The following HNF4G variants were observed in gnomAD, a reference collection of about 807,000 sequenced individuals.
HNF4G encodes the protein hepatocyte nuclear factor 4-gamma.
A neutral mutation model predicts 50.9 loss-of-function variants in HNF4G; 21 were observed. The observed-to-expected ratio is 0.41, with a 90% CI of 0.29 to 0.59. HNF4G has a LOEUF of 0.59. Among genes scored for constraint, HNF4G ranks in the 20% least tolerant of loss-of-function variants. HNF4G has a pLI of 0.26. For missense variants in HNF4G, 527 were observed against 559.4 expected (o/e 0.94, Z 0.58); for synonymous variants, 198 against 185.6 (o/e 1.07, Z -0.54).
chr8:75,566,441 A>G lies in HNF4G; in HGVS notation c.*2345A>G, dbSNP rs972154683. 3 of 152,530 alleles carry G rather than the reference A, an allele frequency of 2.0e-5. No homozygotes were observed. The highest frequency in any genetic ancestry group is 7.2e-5 in the African/African-American group (3 of 41,430). 9.4% of individuals were successfully genotyped at this position (152,530 alleles called of 1,614,324 possible). ...TGAACCCTGTAATTTATTCGTGTATATTTACTAAACAGCTGTATCTTTGAA... is the reference window on the plus strand; with the variant it reads ...TGAACCCTGTAATTTATTCGTGTATGTTTACTAAACAGCTGTATCTTTGAA... On this transcript the variant is annotated 3_prime_UTR_variant, in exon 10 of 10. Coordinates refer to ENST00000396423, the MANE Select transcript of HNF4G (RefSeq NM_004133.5).
rs1246553941 is a variant in HNF4G at position 75,566,407 on chromosome 8, C to A, written c.*2311C>A. The A allele has an allele frequency of 6.6e-6, 1 of 152,478 alleles. No individual in the cohort carries two copies. Among genetic ancestry groups the A allele is most frequent in the African/African-American group, 2.4e-5 (1 of 41,420 alleles). The allele number at this position is 152,478 out of a possible 1,614,324, so 9.4% of individuals were successfully genotyped here. ...CCTTTGAAGTATAAAAGATAAAATT[C>A]ATTTTTAGTGAACCCTGTAATTTAT... On this transcript the variant is annotated 3_prime_UTR_variant, in exon 10 of 10. Coordinates refer to ENST00000396423, the MANE Select transcript of HNF4G (RefSeq NM_004133.5).
At chr8:75,443,692 A>G (rs1406182105) in intron 1 of HNF4G, among the ~76,000 whole-genome samples, 3 of 152,180 alleles carry the variant, frequency 2.0e-5, no homozygotes. Flanking sequence ...AAGTAAGAAC[A>G]TGTGATATAT....
At chr8:75,432,810 T>C (rs961349336) in intron 1 of HNF4G, among the ~76,000 whole-genome samples, 2 of 152,152 alleles carry the variant, frequency 1.3e-5, no homozygotes, top group African/African-American at 4.8e-5. Context: ...GAGGTTAAAC[T>C]ATAAAACACA....
At chr8:75,501,230 A>G (rs950827617) in intron 2 of HNF4G, among the ~76,000 whole-genome samples, 2 of 152,130 alleles carry the variant, frequency 1.3e-5, no homozygotes, top group Non-Finnish European at 2.9e-5. Context: ...ACTTGAGTCC[A>G]GGGGTTTGAG....
intron 2 of HNF4G, among the ~76,000 whole-genome samples, chr8:75,523,866 GTCTTA>G (rs1394059436): frequency 2.6e-5 from 4 of 151,810 alleles, no homozygotes; most frequent in Admixed American, 1.3e-4. Flanking sequence ...ATTGGTAATT[GTCTTA>G]TCTTTATCAA....
At chr8:75,545,767 C>T (rs1352389128) in intron 2 of HNF4G, among the ~76,000 whole-genome samples, 1 of 151,982 alleles carries the variant, frequency 6.6e-6, no homozygotes, top group Non-Finnish European at 1.5e-5. Flanking sequence ...ATTATAATTT[C>T]CTTGAGTGGA....
intron 1 of HNF4G, among the ~76,000 whole-genome samples, chr8:75,478,729 C>CT (rs71271867): frequency 0.05 from 7,606 of 151,706 alleles, 263 homozygotes; most frequent in Non-Finnish European, 0.072. Flanking sequence ...TTTCTTTTTT[C>CT]TTTTTTGAGA....
At chr8:75,442,203 T>C (rs544207533) in intron 1 of HNF4G, among the ~76,000 whole-genome samples, 1 of 151,800 alleles carries the variant, frequency 6.6e-6, no homozygotes, top group Non-Finnish European at 1.5e-5. Flanking sequence ...CCCCAGAGAG[T>C]GGAGATTTAA....
intron 1 of HNF4G, among the ~76,000 whole-genome samples, chr8:75,488,989 A>G (rs956324698): frequency 2.0e-5 from 3 of 152,186 alleles, no homozygotes; most frequent in Non-Finnish European, 2.9e-5. Context: ...GTTAGCTTTT[A>G]GGCTCACCGC....
chr8:75,519,482 C>T (rs1262387645), intron 2 of HNF4G, among the ~76,000 whole-genome samples: 1 of 152,132 alleles, frequency 6.6e-6, no homozygotes. Context: ...TAAAGACATA[C>T]CCGAGACTGG....
At chr8:75,543,729 A>G (rs1038135773) in intron 1 of HNF4G, 82 bp from the exon 2 acceptor site, 6 of 1,204,998 alleles carry the variant, frequency 5.0e-6, no homozygotes, top group Non-Finnish European at 7.0e-6. Flanking sequence ...ATGGAGTGTT[A>G]TGAGCCTATA....
chr8:75,516,131 A>C (rs1216967249), intron 2 of HNF4G, among the ~76,000 whole-genome samples: 1 of 152,166 alleles, frequency 6.6e-6, no homozygotes, highest in Non-Finnish European at 1.5e-5. Flanking sequence ...TCAGAGACAA[A>C]CCCAGAAATA....
chr8:75,506,646 G>T (rs1431962971), intron 2 of HNF4G, among the ~76,000 whole-genome samples: 2 of 152,020 alleles, frequency 1.3e-5, no homozygotes, highest in Non-Finnish European at 2.9e-5. Flanking sequence ...GATTGAACTG[G>T]CTCACTAACA....
chr8:75,430,099 C>T (rs897526987), intron 1 of HNF4G, among the ~76,000 whole-genome samples: 2 of 150,984 alleles, frequency 1.3e-5, no homozygotes, highest in East Asian at 3.9e-4. Context: ...TGCAGTGAGC[C>T]GAGTTCGCAC....
intron 1 of HNF4G, among the ~76,000 whole-genome samples, chr8:75,487,091 T>G (rs977013162): frequency 6.6e-6 from 1 of 152,186 alleles, no homozygotes; most frequent in Non-Finnish European, 1.5e-5. Flanking sequence ...AAAACCCAGT[T>G]TTTTACTCAT....
At chr8:75,470,592 T>C (rs1199230248) in intron 1 of HNF4G, among the ~76,000 whole-genome samples, 3 of 152,202 alleles carry the variant, frequency 2.0e-5, no homozygotes, top group Non-Finnish European at 4.4e-5. Flanking sequence ...GAAATGGGAA[T>C]ATTTTATTAA....
intron 2 of HNF4G, among the ~76,000 whole-genome samples, chr8:75,504,272 CACA>C (rs1813013647): frequency 7.2e-6 from 1 of 139,464 alleles, no homozygotes; most frequent in East Asian, 2.0e-4. Context: ...CACACACACA[CACA>C]CCAAAAACAA....
chr8:75,433,662 G>T (rs1472740812), intron 1 of HNF4G, among the ~76,000 whole-genome samples: 1 of 152,022 alleles, frequency 6.6e-6, no homozygotes, highest in Non-Finnish European at 1.5e-5. Context: ...GCCTCCCAAA[G>T]TGCTGGGATT....
At chr8:75,409,480 CTTTTT>C (rs5892492) in intron 1 of HNF4G, among the ~76,000 whole-genome samples, 2 of 67,346 alleles carry the variant, frequency 3.0e-5, no homozygotes, top group East Asian at 4.8e-4. Context: ...GTGCCTTGTT[CTTTTT>C]TTTTTTTTTT....
Sources: allele counts gnomAD v4.1 joint callset (sites outside exome capture counted in the v4.1 genomes callset), GRCh38; gene constraint gnomAD v4.1.1; transcripts MANE v1.5; gene names NCBI Gene and HGNC (gene_info 2026-07-23, HGNC 2026-07-21).